The following CARS1 variants were observed in gnomAD, a reference collection of about 807,000 sequenced individuals.
The protein encoded by CARS1 is cysteine--tRNA ligase, cytoplasmic.
Under a neutral mutation model 106.2 loss-of-function variants are expected in CARS1, and 48 were observed. That is an observed-to-expected ratio of 0.45 (90% CI 0.36 to 0.57). The LOEUF is 0.57. CARS1 is among the 20% of genes least tolerant of loss of function. The pLI is 0.00. For missense variants in CARS1, 968 were observed against 1,057.2 expected (o/e 0.92, Z 1.17); for synonymous variants, 409 against 403.4 (o/e 1.01, Z -0.17).
At chr11:3,056,630 G>A (rs917709670) in intron 1 of CARS1, among the ~76,000 whole-genome samples, 11 of 152,202 alleles carry the variant, frequency 7.2e-5, no homozygotes, top group Non-Finnish European at 1.6e-4. Flanking sequence ...CTTTTACTGT[G>A]TGTACGCGTA....
At chr11:3,032,155 C>T (rs1362552568) in intron 7 of CARS1, among the ~76,000 whole-genome samples, 9 of 150,920 alleles carry the variant, frequency 6.0e-5, no homozygotes, top group African/African-American at 2.2e-4. Context: ...TCACTGCAAC[C>T]TCCGCCTCCC....
Position 3,041,241 on chromosome 11 carries a change from T to C in CARS1, c.367-257A>G, listed in dbSNP as rs996593829. Reference sequence around the variant, plus strand: ...TCTACTCATCTATGGAGGGAGGCGATAAAGGGAATCAATGATTTTATTGAT... The same window carrying C: ...TCTACTCATCTATGGAGGGAGGCGACAAAGGGAATCAATGATTTTATTGAT... On this transcript the variant is annotated intron_variant, in intron 3 of 22. Coordinates refer to ENST00000380525, the MANE Select transcript of CARS1 (RefSeq NM_001014437.3). The surrounding 1 kb of genome is among the most constrained non-coding windows in gnomAD (Gnocchi z 4.9). 6 of 499,462 alleles carry C rather than the reference T, an allele frequency of 1.2e-5. No individual in the cohort carries two copies. The Admixed American group carries it at 1.8e-4, about 15-fold the overall frequency. 30.9% of individuals were successfully genotyped at this position (499,462 alleles called of 1,614,324 possible). A position where few individuals can be genotyped will look rare whatever the true frequency, so the allele number is the denominator to read the frequency against.
In CARS1 at chr11:3,042,269, G is replaced by A. The variant is rs768091733; in HGVS notation, c.275-13C>T. ...CGCCGGCCTTTGCCTGGGAGGCAGA[G>A]AGAGCAGGATCAGGGTCCAGGGGCA... On this transcript the variant is annotated splice_polypyrimidine_tract_variant and intron_variant, in intron 2 of 22. Transcript: ENST00000380525. 3.7e-6 allele frequency: 6 copies of A among 1,607,300 alleles called. No homozygotes were observed. In the East Asian group the frequency reaches 8.9e-5, roughly 24 times the overall value.
At chr11:3,002,199 C>T in intron 21 of CARS1, 146 bp from the exon 22 acceptor site, 1 of 698,714 alleles carries the variant, frequency 1.4e-6, no homozygotes, top group Non-Finnish European at 2.5e-6. Context: ...AAGGGGAAAG[C>T]CAAGGTGGAG....
At chr11:3,057,275 C>G in intron 1 of CARS1, 68 bp downstream of exon 1, 1 of 1,408,712 alleles carries the variant, frequency 7.1e-7, no homozygotes, top group Non-Finnish European at 9.9e-7. Flanking sequence ...CGCTGCCCTT[C>G]GAGCCGAGCA....
At position 3,043,918 on chromosome 11, in the gene CARS1, C is replaced by G. The variant is rs544613534; in HGVS notation, c.275-1662G>C. Among the ~76,000 whole-genome samples, 44 of 152,266 alleles carry G rather than the reference C, an allele frequency of 2.9e-4. No individual in the cohort carries two copies. The highest frequency in any genetic ancestry group is 1.1e-3 in the African/African-American group (44 of 41,556). The stretch of plus-strand genomic sequence containing the variant: ...CACTCTAGGTGAGTTCCAGTGGTCA[C>G]AGGTGGTCAGATTCTAAAGCGTAGG... On this transcript the variant is annotated intron_variant, in intron 2 of 22. Transcript: ENST00000380525. This position sits in a 1 kb window ranked among gnomAD's most constrained non-coding sequence, Gnocchi z 4.0.
intron 10 of CARS1, among the ~76,000 whole-genome samples, chr11:3,023,070 T>C (rs766033653): frequency 6.6e-6 from 1 of 152,188 alleles, no homozygotes; most frequent in South Asian, 2.1e-4. Context: ...AAACCAATGC[T>C]GAAGTCATTC....
At position 3,038,286 on chromosome 11, in the gene CARS1, C is replaced by T. The variant is rs1025281730; in HGVS notation, c.652-87G>A. 58 of 1,291,524 alleles carry T rather than the reference C, an allele frequency of 4.5e-5. No homozygotes were observed. The East Asian group carries it at 4.6e-4, about 10-fold the overall frequency. 80.0% of individuals were successfully genotyped at this position (1,291,524 alleles called of 1,614,324 possible). A position where few individuals can be genotyped will look rare whatever the true frequency, so the allele number is the denominator to read the frequency against. ...AGGTGATTCCAGGTAGAAAACAGAA[C>T]GGTTTTTCCCATGGCCCCATAGAGA... On this transcript the variant is annotated intron_variant, in intron 6 of 22. Coordinates refer to ENST00000380525, the MANE Select transcript of CARS1 (RefSeq NM_001014437.3). This position sits in a 1 kb window ranked among gnomAD's most constrained non-coding sequence, Gnocchi z 4.0.
At position 3,030,070 on chromosome 11, in the gene CARS1, G is replaced by C. The variant is rs1338476174; in HGVS notation, c.802-627C>G. On this transcript the variant is annotated intron_variant, in intron 7 of 22. Transcript: ENST00000380525. This position sits in a 1 kb window ranked among gnomAD's most constrained non-coding sequence, Gnocchi z 5.7. ...ACACGCCCCAACTGCACTCATGTCAGAAAAGAGAAATGTCTACCCTCCGCC... is the reference window on the plus strand; with the variant it reads ...ACACGCCCCAACTGCACTCATGTCACAAAAGAGAAATGTCTACCCTCCGCC... The C allele has an allele frequency of 6.6e-6, 1 of 152,318 alleles. No homozygotes were observed. Among genetic ancestry groups the C allele is most frequent in the Non-Finnish European group, 1.5e-5 (1 of 68,226 alleles). The allele number at this position is 152,318 out of a possible 1,614,324, so 9.4% of individuals were successfully genotyped here.
rs1854817619 is a variant in CARS1 at position 3,044,038 on chromosome 11, GA to G, written c.275-1783del. Among the ~76,000 whole-genome samples the G allele has an allele frequency of 6.6e-6, 1 of 152,184 alleles. No homozygotes were observed. Among genetic ancestry groups the G allele is most frequent in the African/African-American group, 2.4e-5 (1 of 41,440 alleles). ...AAATGCCTCACAAGCCCTTGAAGGA[GA>G]ATCTCACTCAATGCCTGGAGGCATT... On this transcript the variant is annotated intron_variant, in intron 2 of 22. Transcript: ENST00000380525. The surrounding 1 kb of genome is among the most constrained non-coding windows in gnomAD (Gnocchi z 4.4).
At chr11:3,042,459 C>T in intron 2 of CARS1, 1 of 553,436 alleles carries the variant, frequency 1.8e-6, no homozygotes, top group Non-Finnish European at 3.2e-6. Flanking sequence ...GAGTCTCGCT[C>T]TGTCGCCCAG....
In CARS1 at chr11:3,039,089, G is replaced by A; in HGVS notation, c.651+105C>T. On this transcript the variant is annotated intron_variant, in intron 6 of 22. Coordinates refer to ENST00000380525, the MANE Select transcript of CARS1 (RefSeq NM_001014437.3). The surrounding 1 kb of genome is among the most constrained non-coding windows in gnomAD (Gnocchi z 5.6). Reference sequence around the variant, plus strand: ...AACTGGCTTGAGTAACATACACTTTGTGAAAGCCTGTGAGACTGACACTAC... The same window carrying A: ...AACTGGCTTGAGTAACATACACTTTATGAAAGCCTGTGAGACTGACACTAC... 1.4e-6 allele frequency: 1 copy of A among 723,428 alleles called. No homozygotes were observed. Among genetic ancestry groups the A allele is most frequent in the African/African-American group, 1.8e-5 (1 of 56,358 alleles). 44.8% of individuals were successfully genotyped at this position (723,428 alleles called of 1,614,324 possible).
At chr11:3,014,225 C>T (rs1054251814) in intron 17 of CARS1, among the ~76,000 whole-genome samples, 8 of 152,192 alleles carry the variant, frequency 5.3e-5, no homozygotes, top group African/African-American at 1.9e-4. Flanking sequence ...GTCTCAAGAA[C>T]GCCTGGGGCT....
Position 3,041,146 on chromosome 11 carries a change from G to C in CARS1, c.367-162C>G. Reference sequence around the variant, plus strand: ...GTGAAAAGTCACAGTCTCAGTGGGAGCCCAGTGAGATGTACGGCACCTCCC... The same window carrying C: ...GTGAAAAGTCACAGTCTCAGTGGGACCCCAGTGAGATGTACGGCACCTCCC... On this transcript the variant is annotated intron_variant, in intron 3 of 22. Coordinates refer to ENST00000380525, the MANE Select transcript of CARS1 (RefSeq NM_001014437.3). The surrounding 1 kb of genome is among the most constrained non-coding windows in gnomAD (Gnocchi z 4.9). The C allele has an allele frequency of 8.7e-7, 1 of 1,146,948 alleles. No individual in the cohort carries two copies. Among genetic ancestry groups the C allele is most frequent in the Non-Finnish European group, 1.2e-6 (1 of 817,660 alleles). The allele number at this position is 1,146,948 out of a possible 1,614,324, so 71.0% of individuals were successfully genotyped here.
In CARS1 at chr11:3,003,508, G is replaced by C. The variant is rs1018249771; in HGVS notation, c.2218-908C>G. ...TTTTTGGGCCACCGGCTACAAGATA[G>C]ATGGTGGAGAAGCCGCAGGACCAGA... On this transcript the variant is annotated intron_variant, in intron 20 of 22. Transcript: ENST00000380525. This position sits in a 1 kb window ranked among gnomAD's most constrained non-coding sequence, Gnocchi z 4.8. Among the ~76,000 whole-genome samples, 1 of 152,212 alleles carries C rather than the reference G, an allele frequency of 6.6e-6. No individual in the cohort carries two copies. Among genetic ancestry groups the C allele is most frequent in the Non-Finnish European group, 1.5e-5 (1 of 68,034 alleles).
Position 3,052,652 on chromosome 11 carries a change from C to T in CARS1, c.26-4651G>A, listed in dbSNP as rs1441853707. Among the ~76,000 whole-genome samples, 4 of 152,146 alleles carry T rather than the reference C, an allele frequency of 2.6e-5. No homozygotes were observed. Among genetic ancestry groups the T allele is most frequent in the Non-Finnish European group, 5.9e-5 (4 of 68,038 alleles). ...TTCTCAGAGCAGAAAGGTGCTGGTG[C>T]CCAGGGAAGCACAGGAGAATGACAG... On this transcript the variant is annotated intron_variant, in intron 1 of 22. Coordinates refer to ENST00000380525, the MANE Select transcript of CARS1 (RefSeq NM_001014437.3). The surrounding 1 kb of genome is among the most constrained non-coding windows in gnomAD (Gnocchi z 4.6).
At position 3,029,395 on chromosome 11, in the gene CARS1, T is replaced by G. The variant is rs1418148012; in HGVS notation, c.850A>C (p.Thr284Pro). ...KDLLSDWLDS[T>P]LGCDVTDNSI... ...TTGTCAGTGACATCACAGCCAAGTG[T>G]AGAATCCAGCCAGTCAGAGAGCAAA... is the stretch of plus-strand genomic sequence containing the variant. Residue 284 changes from threonine to proline, a missense_variant, in exon 8 of 23, where the codon ACA (threonine) becomes CCA (proline). Transcript: ENST00000380525. The surrounding 1 kb of genome is among the most constrained non-coding windows in gnomAD (Gnocchi z 5.9). 1.9e-6 allele frequency: 3 copies of G among 1,614,000 alleles called. No individual in the cohort carries two copies. The highest frequency in any genetic ancestry group is 2.7e-5 in the African/African-American group (2 of 74,924).
rs1851548843 is a variant in CARS1, at chr11:3,021,277, G to A, written c.1154-945C>T. Among the ~76,000 whole-genome samples, 1 of 152,254 alleles carries A rather than the reference G, an allele frequency of 6.6e-6. No individual in the cohort carries two copies. Among genetic ancestry groups the A allele is most frequent in the Admixed American group, 6.5e-5 (1 of 15,286 alleles). On this transcript the variant is annotated intron_variant, in intron 10 of 22. Coordinates refer to ENST00000380525, the MANE Select transcript of CARS1 (RefSeq NM_001014437.3). This position sits in a 1 kb window ranked among gnomAD's most constrained non-coding sequence, Gnocchi z 5.3. ...ACCCTTTGTTCGATGAATGGGCAGA[G>A]CAGAGGTCTTCACTCTAGGCATAAG...
Position 3,001,182 on chromosome 11 carries a change from G to A in CARS1, c.2428C>T (p.Leu810Phe). The A allele has an allele frequency of 6.2e-7, 1 of 1,614,046 alleles. No individual in the cohort carries two copies. ...TAGAGCTTCTCCTGAGCCTCGAAGA[G>A]CTTCTTCAGCTTCTTGGCTTGCCCT... Reference protein sequence around the residue: ...SKGQAKKLKKLFEAQEKLYKE... With the variant: ...SKGQAKKLKKFFEAQEKLYKE... The change falls in exon 23 of 23, where the codon CTC (leucine) becomes TTC (phenylalanine). Residue 810 changes from leucine (L) to phenylalanine (F), a missense_variant. By Grantham distance (22) the Leu-to-Phe change is conservative (BLOSUM62 0). Transcript: ENST00000380525.
Sources: gnomAD v4.1 joint callset for allele counts (sites outside exome capture counted in the v4.1 genomes callset) on GRCh38, gnomAD v4.1.1 for gene constraint, Gnocchi (gnomAD v3.1) non-coding constraint, MANE v1.5 for transcripts, NCBI Gene and HGNC (gene_info 2026-07-23, HGNC 2026-07-21) for gene names.